The following LAMC1 variants were observed in gnomAD, a reference collection of about 807,000 sequenced individuals.
The protein encoded by LAMC1 is laminin subunit gamma-1.
A neutral mutation model predicts 173.6 loss-of-function variants in LAMC1; 38 were observed. The ratio of observed to expected loss-of-function variants is 0.22; its 90% CI spans 0.17 to 0.29. LAMC1 has a LOEUF of 0.29. Ranked by LOEUF, LAMC1 falls within the 10% of genes least tolerant of loss-of-function variation. LAMC1 has a pLI of 1.00. For synonymous variants in LAMC1, 746 were observed against 749.1 expected, an observed-to-expected ratio of 1.00 and a Z score of 0.07; for missense variants, 1,824 against 2,051.8, an observed-to-expected ratio of 0.89 and a Z score of 2.14.
At chr1:183,107,446 C>T (rs723015) in intron 2 of LAMC1, among the ~76,000 whole-genome samples, 17,810 of 152,104 alleles carry the variant, frequency 0.12, 1,161 homozygotes, top group Admixed American at 0.2. Context: ...TGGTTCAAGC[C>T]TAAGTAATGA....
At position 183,116,912 on chromosome 1, in the gene LAMC1, G is replaced by T; in HGVS notation, c.1564+9G>T. On this transcript the variant is annotated intron_variant, in intron 8 of 27. Transcript: ENST00000258341. Reference sequence around the variant, plus strand: ...CTCTACCTTTCAGATTGGTAATTTAGACCTCATCCCCCAACCTGTTAGAAC... The same window carrying T: ...CTCTACCTTTCAGATTGGTAATTTATACCTCATCCCCCAACCTGTTAGAAC... 4.3e-6 allele frequency: 7 copies of T among 1,611,244 alleles called. No homozygotes were observed. Among genetic ancestry groups the T allele is most frequent in the Non-Finnish European group, 5.9e-6 (7 of 1,178,138 alleles).
At position 183,024,034 on chromosome 1, in the gene LAMC1, G is replaced by T. The variant is rs2102000863; in HGVS notation, c.318G>T (p.Leu106=). 6.2e-7 allele frequency: 1 copy of T among 1,612,942 alleles called. No individual in the cohort carries two copies. The highest frequency in any genetic ancestry group is 1.7e-5 in the Admixed American group (1 of 59,966). Residue 106 remains leucine, a synonymous_variant, in exon 1 of 28, where the codon CTG becomes CTT. Coordinates refer to ENST00000258341, the MANE Select transcript of LAMC1 (RefSeq NM_002293.4). ...ACCTGCAGCACGGGGCAGCCTTCCT[G>T]ACCGACTACAACAACCAGGCCGACA... ...QPHLQHGAAF[L]TDYNNQADTT...
chr1:183,133,680 G>A (rs1261928275), intron 22 of LAMC1, 130 bp downstream of exon 22: 5 of 918,300 alleles, frequency 5.4e-6, no homozygotes, highest in Admixed American at 3.0e-5. Flanking sequence ...TTTCACATAC[G>A]CTAATAGAAC....
intron 1 of LAMC1, among the ~76,000 whole-genome samples, chr1:183,052,116 C>G (rs1654441593): frequency 6.6e-6 from 1 of 152,156 alleles, no homozygotes; most frequent in Non-Finnish European, 1.5e-5. Context: ...TCAAGGTGCT[C>G]TGCACTGCGT....
chr1:183,134,257 A>G (rs144354598), intron 22 of LAMC1, among the ~76,000 whole-genome samples: 262 of 152,348 alleles, frequency 1.7e-3, no homozygotes, highest in African/African-American at 6.0e-3. Flanking sequence ...TTAGATATGT[A>G]CAGATTGTCT....
At position 183,133,413 on chromosome 1, in the gene LAMC1, C is replaced by G. The variant is rs1172786744; in HGVS notation, c.3712C>G (p.Gln1238Glu). The change falls in exon 22 of 28, where the codon CAA becomes GAA. Residue 1238 changes from glutamine to glutamate, a missense_variant. By Grantham distance (29) the Gln-to-Glu change is conservative. Coordinates refer to ENST00000258341, the MANE Select transcript of LAMC1 (RefSeq NM_002293.4). ...EIEELNRKYEQAKNISQDLEK... is the reference protein window; with the variant it reads ...EIEELNRKYEEAKNISQDLEK... ...ACATTATTTGTGTCTTAGGTATGAA[C>G]AAGCGAAGAACATCTCACAGGATCT... is the stretch of plus-strand genomic sequence containing the variant. The G allele has an allele frequency of 6.8e-6, 11 of 1,613,012 alleles. No homozygotes were observed. Among genetic ancestry groups the G allele is most frequent in the Non-Finnish European group, 9.3e-6 (11 of 1,179,388 alleles).
chr1:183,039,601 C>T (rs907316238), intron 1 of LAMC1, among the ~76,000 whole-genome samples: 2 of 152,138 alleles, frequency 1.3e-5, no homozygotes, highest in East Asian at 1.9e-4. Flanking sequence ...GCATTTTTGC[C>T]ATACGCCCTG....
rs184353360 is a variant in LAMC1, at chr1:183,068,393, A to G, written c.419-34935A>G. Among the ~76,000 whole-genome samples, 5 of 152,332 alleles carry G rather than the reference A, an allele frequency of 3.3e-5. No homozygotes were observed. The East Asian group carries it at 7.7e-4, about 23-fold the overall frequency. On this transcript the variant is annotated intron_variant, in intron 1 of 27. Transcript: ENST00000258341. ...ACTCATTTGTTGTGCTAAGCAAATT[A>G]CTAATTATTTAGGTGAGCATGAAGA...
At chr1:183,095,356 C>T (rs1655667493) in intron 1 of LAMC1, among the ~76,000 whole-genome samples, 1 of 152,032 alleles carries the variant, frequency 6.6e-6, no homozygotes, top group African/African-American at 2.4e-5. Flanking sequence ...CTATTTTTCA[C>T]TCTTCTGTTA....
intron 4 of LAMC1, among the ~76,000 whole-genome samples, chr1:183,113,821 C>T (rs1402911471): frequency 1.3e-5 from 2 of 152,138 alleles, no homozygotes; most frequent in African/African-American, 4.8e-5. Flanking sequence ...AAATTGAAGC[C>T]TGCATATAAA....
In LAMC1 at chr1:183,075,652, A is replaced by G. The variant is rs143417211; in HGVS notation, c.419-27676A>G. On this transcript the variant is annotated intron_variant, in intron 1 of 27. Transcript: ENST00000258341. ...CAAAACTAAATATAGTGTTTTTAAT[A>G]TTTTCTCCACATCTCAAGGGACCTC... is the stretch of plus-strand genomic sequence containing the variant. Among the ~76,000 whole-genome samples, 213 of 152,230 alleles carry G rather than the reference A, an allele frequency of 1.4e-3. 2 individuals carry two copies. Among genetic ancestry groups the G allele is most frequent in the Admixed American group, 2.8e-3 (43 of 15,290 alleles).
intron 1 of LAMC1, among the ~76,000 whole-genome samples, chr1:183,097,614 A>G (rs1054180891): frequency 4.6e-5 from 7 of 152,210 alleles, no homozygotes; most frequent in African/African-American, 1.7e-4. Flanking sequence ...TCCAATTCTA[A>G]GACAAGAAGA....
chr1:183,118,637 C>T (rs566820016), intron 11 of LAMC1, among the ~76,000 whole-genome samples: 4 of 151,676 alleles, frequency 2.6e-5, no homozygotes, highest in East Asian at 1.9e-4. Flanking sequence ...GGATGAGATT[C>T]GCTTAAACCC....
intron 18 of LAMC1, 114 bp from the exon 19 acceptor site, chr1:183,130,230 G>T: frequency 1.1e-6 from 1 of 884,504 alleles, no homozygotes. Context: ...GTGGAAACCT[G>T]GCAGAAAGTT....
chr1:183,065,162 G>A (rs1029226951), intron 1 of LAMC1, among the ~76,000 whole-genome samples: 3 of 152,082 alleles, frequency 2.0e-5, no homozygotes, highest in African/African-American at 7.2e-5. Context: ...CATGCCAAAA[G>A]ATAGGAAAAG....
At chr1:183,120,778 T>G (rs1454871077) in intron 11 of LAMC1, among the ~76,000 whole-genome samples, 1 of 152,230 alleles carries the variant, frequency 6.6e-6, no homozygotes, top group Non-Finnish European at 1.5e-5. Flanking sequence ...ATTGTATACT[T>G]GTCAGAAGTA....
intron 1 of LAMC1, among the ~76,000 whole-genome samples, chr1:183,058,160 G>C (rs1322527183): frequency 6.6e-6 from 1 of 152,178 alleles, no homozygotes; most frequent in African/African-American, 2.4e-5. Flanking sequence ...TCTAAATGTA[G>C]TAAGTTCTTG....
rs565706111 is a variant in LAMC1 at position 183,058,256 on chromosome 1, T to C, written c.418+34122T>C. On this transcript the variant is annotated intron_variant, in intron 1 of 27. Transcript: ENST00000258341. ...GTGGATGCTAGTTTTTGGTCAGTTG[T>C]TCTATTTCATACCTGTAACATAAGG... Among the ~76,000 whole-genome samples the C allele has an allele frequency of 1.7e-3, 257 of 152,338 alleles. 3 individuals carry two copies. Among genetic ancestry groups the C allele is most frequent in the African/African-American group, 5.1e-3 (212 of 41,584 alleles).
At chr1:183,054,765 C>T (rs1212477209) in intron 1 of LAMC1, among the ~76,000 whole-genome samples, 1 of 152,108 alleles carries the variant, frequency 6.6e-6, no homozygotes, top group Non-Finnish European at 1.5e-5. Flanking sequence ...GAGCATTTGG[C>T]TTTGATTAAG....
Sources: gnomAD v4.1 joint callset for allele counts (sites outside exome capture counted in the v4.1 genomes callset) on GRCh38, gnomAD v4.1.1 for gene constraint, MANE v1.5 for transcripts, NCBI Gene and HGNC (gene_info 2026-07-23, HGNC 2026-07-21) for gene names.